The following ARHGEF28 variants were observed in gnomAD, a reference collection of about 807,000 sequenced individuals.
ARHGEF28 encodes the protein Rho guanine nucleotide exchange factor 28, also known as 190 kDa guanine nucleotide exchange factor.
In ARHGEF28, 152 loss-of-function variants were observed where a neutral mutation model predicts 206.6. The observed-to-expected ratio is 0.74, with a 90% CI of 0.64 to 0.84. The LOEUF (loss-of-function observed/expected upper bound fraction) is 0.84, where lower values mean the gene tolerates loss of function less well. Among genes scored for constraint, ARHGEF28 ranks in the 40% least tolerant of loss-of-function variants. The probability of loss-of-function intolerance (pLI) is 0.00; values close to 1 mark genes in which losing one functional copy is unlikely to be tolerated. For synonymous variants in ARHGEF28, 763 were observed against 776.4 expected, an observed-to-expected ratio of 0.98 and a Z score of 0.29; for missense variants, 2,028 against 2,073.2, an observed-to-expected ratio of 0.98 and a Z score of 0.42.
intron 35 of ARHGEF28, among the ~76,000 whole-genome samples, chr5:73,922,081 T>A (rs147906620): frequency 2.1e-4 from 32 of 152,366 alleles, no homozygotes; most frequent in Non-Finnish European, 4.0e-4. Context: ...TTTTCTAAAG[T>A]GTCCTCAGAA....
chr5:73,832,440 A>T lies in ARHGEF28; in HGVS notation c.1127A>T (p.Asn376Ile). The part of the protein sequence containing the change: ...MLNGGDEVYA[N>I]CMVIDQVGDL... ...AATGGAGGTGATGAAGTCTACGCTA[A>T]CTGTATGGTGATTGATCAGGTAAGG... Residue 376 changes from asparagine (N) to isoleucine (I), a missense_variant, in exon 10 of 36, where the codon AAC becomes ATC. Coordinates refer to ENST00000513042, the MANE Select transcript of ARHGEF28 (RefSeq NM_001177693.2). The T allele has an allele frequency of 6.2e-7, 1 of 1,612,612 alleles. No individual in the cohort carries two copies. The highest frequency in any genetic ancestry group is 8.5e-7 in the Non-Finnish European group (1 of 1,179,384).
At chr5:73,922,971 G>A in intron 35 of ARHGEF28, 1 of 970,972 alleles carries the variant, frequency 1.0e-6, no homozygotes, top group Non-Finnish European at 1.5e-6. Context: ...TTTTGCAAAT[G>A]CAAAGTACTT....
chr5:73,871,041 C>A (rs1760077318), intron 21 of ARHGEF28, among the ~76,000 whole-genome samples: 1 of 152,166 alleles, frequency 6.6e-6, no homozygotes, highest in South Asian at 2.1e-4. Flanking sequence ...CTGTCAAAAG[C>A]TGTGTAGGTG....
chr5:73,649,960 C>T (rs1186389207), intron 1 of ARHGEF28, among the ~76,000 whole-genome samples: 2 of 152,194 alleles, frequency 1.3e-5, no homozygotes, highest in South Asian at 4.1e-4. Context: ...GTGCCCAAGT[C>T]CTTTTTCTCA....
chr5:73,908,318 A>G (rs1379762461), intron 33 of ARHGEF28: 1 of 152,216 alleles, frequency 6.6e-6, no homozygotes, highest in Non-Finnish European at 1.5e-5. Context: ...TGAGCTGACA[A>G]AGAACATATG....
At chr5:73,877,448 T>G (rs1197314423) in intron 22 of ARHGEF28, among the ~76,000 whole-genome samples, 1 of 145,788 alleles carries the variant, frequency 6.9e-6, no homozygotes, top group East Asian at 2.0e-4. Flanking sequence ...TTTAGTTATT[T>G]CTTGCCTTCT....
At chr5:73,922,057 G>A (rs1339082029) in intron 35 of ARHGEF28, among the ~76,000 whole-genome samples, 1 of 152,178 alleles carries the variant, frequency 6.6e-6, no homozygotes, top group African/African-American at 2.4e-5. Context: ...ATGAAAAGGT[G>A]ATTTTATGTT....
intron 1 of ARHGEF28, among the ~76,000 whole-genome samples, chr5:73,656,339 C>T (rs574367724): frequency 6.6e-6 from 1 of 152,318 alleles, no homozygotes; most frequent in South Asian, 2.1e-4. Context: ...TTACTGATTT[C>T]CATCCAAAAC....
At chr5:73,698,438 C>A (rs1412007195) in intron 2 of ARHGEF28, among the ~76,000 whole-genome samples, 1 of 152,052 alleles carries the variant, frequency 6.6e-6, no homozygotes, top group African/African-American at 2.4e-5. Context: ...TTGTACAGGT[C>A]AAATTTGATC....
intron 4 of ARHGEF28, among the ~76,000 whole-genome samples, chr5:73,763,496 C>T (rs1752725080): frequency 6.6e-6 from 1 of 152,130 alleles, no homozygotes; most frequent in Non-Finnish European, 1.5e-5. Context: ...ATCTGCGAGG[C>T]ATGATGAGTC....
chr5:73,933,705 T>G (rs1238360335), intron 35 of ARHGEF28, among the ~76,000 whole-genome samples: 1 of 152,156 alleles, frequency 6.6e-6, no homozygotes, highest in Non-Finnish European at 1.5e-5. Context: ...TTCAGTGCCT[T>G]TTCTCTCTTC....
intron 4 of ARHGEF28, among the ~76,000 whole-genome samples, chr5:73,755,316 T>TC (rs149860505): frequency 1.3e-5 from 2 of 151,816 alleles, no homozygotes; most frequent in South Asian, 4.2e-4. Flanking sequence ...GGTGTTTTTT[T>TC]GGGGGGGTGT....
chr5:73,816,629 A>G (rs1020449478), intron 9 of ARHGEF28, among the ~76,000 whole-genome samples: 3 of 152,254 alleles, frequency 2.0e-5, no homozygotes, highest in African/African-American at 7.2e-5. Flanking sequence ...GGAAAATAAC[A>G]TTAGCAGAAA....
chr5:73,927,641 G>A (rs965250622), intron 35 of ARHGEF28, among the ~76,000 whole-genome samples: 6 of 152,150 alleles, frequency 3.9e-5, no homozygotes, highest in Admixed American at 6.5e-5. Flanking sequence ...CTATAGGCAC[G>A]AGCCACAACA....
intron 3 of ARHGEF28, 130 bp from the exon 4 acceptor site, chr5:73,752,779 C>A: frequency 1.9e-6 from 2 of 1,058,934 alleles, no homozygotes; most frequent in Non-Finnish European, 2.7e-6. Context: ...AATGGGCTGG[C>A]TTTCCTTTCT....
At chr5:73,832,908 A>T (rs1757390955) in intron 10 of ARHGEF28, among the ~76,000 whole-genome samples, 1 of 152,250 alleles carries the variant, frequency 6.6e-6, no homozygotes, top group Non-Finnish European at 1.5e-5. Context: ...CTTAATCGAT[A>T]CAACGCATCT....
intron 23 of ARHGEF28, 110 bp downstream of exon 23, chr5:73,882,704 GGAA>G (rs1761031520): frequency 1.9e-6 from 2 of 1,042,590 alleles, no homozygotes; most frequent in Non-Finnish European, 2.7e-6. Context: ...GCTTTTCAGG[GGAA>G]GAAGAAGGGA....
intron 24 of ARHGEF28, among the ~76,000 whole-genome samples, chr5:73,885,649 G>C (rs979110197): frequency 2.0e-5 from 3 of 151,772 alleles, no homozygotes; most frequent in Non-Finnish European, 4.4e-5. Flanking sequence ...GCTAATTTTT[G>C]TATCTTTTTT....
At position 73,874,575 on chromosome 5, in the gene ARHGEF28, C is replaced by A. The variant is rs1480574020; in HGVS notation, c.2814+1329C>A. ...ATCCCTCCCCCCTCCCCCCTCCCCC[C>A]ACCCCACAACAGTCCCCAGAGTGTG... is the stretch of plus-strand genomic sequence containing the variant. On this transcript the variant is annotated intron_variant, in intron 22 of 35. Transcript: ENST00000513042. Among the ~76,000 whole-genome samples, 18 of 121,418 alleles carry A rather than the reference C, an allele frequency of 1.5e-4. No individual in the cohort carries two copies. The East Asian group carries it at 4.9e-3, about 33-fold the overall frequency. The allele number at this position is 121,418 out of a possible 152,430, so 79.7% of individuals were successfully genotyped here.
Sources: allele counts gnomAD v4.1 joint callset (sites outside exome capture counted in the v4.1 genomes callset), GRCh38; gene constraint gnomAD v4.1.1; transcripts MANE v1.5; gene names NCBI Gene and HGNC (gene_info 2026-07-23, HGNC 2026-07-21).